ACSM2B: variants seen among roughly 807,000 people sequenced by gnomAD.
ACSM2B encodes the protein acyl-CoA synthetase medium chain family member 2B, also known as acyl-coenzyme A synthetase ACSM2B, mitochondrial.
Under a neutral mutation model 78.6 loss-of-function variants are expected in ACSM2B, and 58 were observed. The observed-to-expected ratio is 0.74, with a 90% CI of 0.60 to 0.92. The LOEUF (loss-of-function observed/expected upper bound fraction) is 0.92. Ranked by LOEUF, ACSM2B falls within the 40% of genes least tolerant of loss-of-function variation. The pLI is 0.00. For missense variants in ACSM2B, 688 were observed against 711.2 expected, an observed-to-expected ratio of 0.97 and a Z score of 0.37; for synonymous variants, 257 against 256.8, an observed-to-expected ratio of 1.00 and a Z score of -0.01.
At chr16:20,558,327 C>A (rs893327818) in intron 3 of ACSM2B, among the ~76,000 whole-genome samples, 3 of 146,116 alleles carry the variant, frequency 2.1e-5, no homozygotes, top group African/African-American at 7.3e-5. Context: ...CCAAACCAAT[C>A]AGCATTTCCT....
intron 3 of ACSM2B, among the ~76,000 whole-genome samples, chr16:20,557,334 C>G (rs1250135940): frequency 6.6e-6 from 1 of 152,144 alleles, no homozygotes; most frequent in African/African-American, 2.4e-5. Flanking sequence ...TGAAAGACAG[C>G]ACCCACTTGC....
intron 1 of ACSM2B, chr16:20,574,260 T>C (rs952142525): frequency 5.3e-5 from 8 of 152,120 alleles, no homozygotes; most frequent in African/African-American, 1.7e-4. Context: ...TCAGACCTTA[T>C]AGTTATCTTC....
rs1212600909 is a variant in ACSM2B at position 20,538,416 on chromosome 16, G to A, written c.1630-1054C>T. ...ATTGCCTGGGCAAAGTTGAGTAGTT[G>A]CAACATAGACCACATAGCCTACAAT... On this transcript the variant is annotated intron_variant, in intron 13 of 13. Transcript: ENST00000329697. 4.6e-5 allele frequency among the ~76,000 whole-genome samples: 7 copies of A among 152,186 alleles called. No homozygotes were observed. The East Asian group carries it at 1.2e-3, about 25-fold the overall frequency.
chr16:20,566,698 G>GTA (rs57290830), intron 1 of ACSM2B, among the ~76,000 whole-genome samples: 2 of 5,424 alleles, frequency 3.7e-4, no homozygotes, highest in Admixed American at 5.0e-3. Flanking sequence ...ACTATATATA[G>GTA]TATATATATA....
chr16:20,538,808 A>G (rs186517489), intron 13 of ACSM2B, among the ~76,000 whole-genome samples: 1 of 152,246 alleles, frequency 6.6e-6, no homozygotes, highest in East Asian at 1.9e-4. Flanking sequence ...GGTGGAGGTG[A>G]ATGTTGAACC....
intron 2 of ACSM2B, among the ~76,000 whole-genome samples, chr16:20,562,110 C>T (rs538753627): frequency 2.0e-5 from 3 of 151,490 alleles, no homozygotes; most frequent in Admixed American, 2.0e-4. Context: ...TCTCAGAGAC[C>T]CTGATTTTAA....
At chr16:20,544,104 T>C (rs1309100144) in intron 10 of ACSM2B, among the ~76,000 whole-genome samples, 2 of 152,154 alleles carry the variant, frequency 1.3e-5, no homozygotes, top group Admixed American at 6.5e-5. Context: ...TTTTATCAAA[T>C]GGGGAGAAGC....
chr16:20,540,580 C>T, intron 13 of ACSM2B, 74 bp downstream of exon 13: 1 of 1,584,048 alleles, frequency 6.3e-7, no homozygotes, highest in Non-Finnish European at 8.6e-7. Context: ...TGTCCTCCTC[C>T]TGAAGAAGAT....
intron 10 of ACSM2B, among the ~76,000 whole-genome samples, chr16:20,544,116 C>T (rs557699881): frequency 6.6e-5 from 10 of 152,266 alleles, no homozygotes; most frequent in African/African-American, 2.4e-4. Flanking sequence ...GGGAGAAGCC[C>T]ATGACATAGT....
chr16:20,537,165 A>G lies in ACSM2B; in HGVS notation c.*93T>C. On this transcript the variant is annotated 3_prime_UTR_variant, in exon 14 of 14. Coordinates refer to ENST00000329697, the MANE Select transcript of ACSM2B (RefSeq NM_001105069.2). ...AAAACTTACATTCATGTTCTTTCAT[A>G]AAGAATCTCATATCATCATAGTAAG... 2 of 1,440,062 alleles carry G rather than the reference A, an allele frequency of 1.4e-6. No individual in the cohort carries two copies. The highest frequency in any genetic ancestry group is 1.9e-6 in the Non-Finnish European group (2 of 1,041,058). 89.2% of individuals were successfully genotyped at this position (1,440,062 alleles called of 1,614,324 possible). A position where few individuals can be genotyped will look rare whatever the true frequency, so the allele number is the denominator to read the frequency against.
chr16:20,573,405 C>T (rs2016148204), intron 1 of ACSM2B, among the ~76,000 whole-genome samples: 1 of 150,042 alleles, frequency 6.7e-6, no homozygotes, highest in South Asian at 2.1e-4. Flanking sequence ...GAGTTTACCT[C>T]CTCAGACAAA....
At chr16:20,544,404 T>C (rs1440421339) in intron 10 of ACSM2B, 1 of 307,592 alleles carries the variant, frequency 3.3e-6, no homozygotes, top group Non-Finnish European at 4.7e-6. Context: ...CCAAAAACTT[T>C]ATAGGGTGGC....
At chr16:20,563,770 C>T (rs1221569745) in intron 2 of ACSM2B, among the ~76,000 whole-genome samples, 2 of 151,894 alleles carry the variant, frequency 1.3e-5, no homozygotes, top group East Asian at 1.9e-4. Context: ...ATGTCATAAT[C>T]GTGACTCTTT....
intron 3 of ACSM2B, among the ~76,000 whole-genome samples, chr16:20,556,264 T>C (rs1476665659): frequency 1.3e-5 from 2 of 152,232 alleles, no homozygotes; most frequent in East Asian, 1.9e-4. Flanking sequence ...TCTTCTTTAC[T>C]ATTTTAATGA....
In ACSM2B at chr16:20,569,432, G is replaced by A. The variant is rs543900988; in HGVS notation, c.-8-4579C>T. 1.5e-4 allele frequency among the ~76,000 whole-genome samples: 22 copies of A among 151,520 alleles called. No individual in the cohort carries two copies. In the Middle Eastern group the frequency reaches 0.017, roughly 117 times the overall value. On this transcript the variant is annotated intron_variant, in intron 1 of 13. Transcript: ENST00000329697. Reference sequence around the variant, plus strand: ...TGTTCCTTCTGTTCCATGGTTCTACGTGCCTATTTTTATACCAGACCATGC... The same window carrying A: ...TGTTCCTTCTGTTCCATGGTTCTACATGCCTATTTTTATACCAGACCATGC...
chr16:20,546,678 G>A, intron 8 of ACSM2B: 1 of 892,424 alleles, frequency 1.1e-6, no homozygotes, highest in South Asian at 3.5e-5. Context: ...TGTTCAGGAA[G>A]CAACCCATCT....
intron 1 of ACSM2B, among the ~76,000 whole-genome samples, chr16:20,568,159 G>A (rs912125590): frequency 2.1e-5 from 3 of 142,396 alleles, no homozygotes; most frequent in African/African-American, 7.6e-5. Context: ...AGGAGGAAAG[G>A]CACAGGAGTG....
rs888664338 is a variant in ACSM2B at position 20,549,967 on chromosome 16, A to G, written c.895-1494T>C. Reference sequence around the variant, plus strand: ...TTGCACAGGAAGCTTTTAGGTACTGACACTAGGCTTTTTAGACAGAATAGG... The same window carrying G: ...TTGCACAGGAAGCTTTTAGGTACTGGCACTAGGCTTTTTAGACAGAATAGG... On this transcript the variant is annotated intron_variant, in intron 6 of 13. Coordinates refer to ENST00000329697, the MANE Select transcript of ACSM2B (RefSeq NM_001105069.2). 19 of 319,096 alleles carry G rather than the reference A, an allele frequency of 6.0e-5. No homozygotes were observed. In the Admixed American group the frequency reaches 7.0e-4, roughly 12 times the overall value. 19.8% of individuals were successfully genotyped at this position (319,096 alleles called of 1,614,324 possible).
At chr16:20,558,880 G>A (rs191394815) in intron 3 of ACSM2B, among the ~76,000 whole-genome samples, 66 of 152,286 alleles carry the variant, frequency 4.3e-4, no homozygotes, top group Non-Finnish European at 5.7e-4. Flanking sequence ...GGCAGGATTT[G>A]GCCTGCAGGT....
Sources: allele counts gnomAD v4.1 joint callset (sites outside exome capture counted in the v4.1 genomes callset), GRCh38; gene constraint gnomAD v4.1.1; transcripts MANE v1.5; gene names NCBI Gene and HGNC (gene_info 2026-07-23, HGNC 2026-07-21).